The following MYO18B variants were observed in gnomAD, a reference collection of about 807,000 sequenced individuals.
The protein encoded by MYO18B is unconventional myosin-XVIIIb.
A neutral mutation model predicts 273.0 loss-of-function variants in MYO18B; 204 were observed. The ratio of observed to expected loss-of-function variants is 0.75; its 90% CI spans 0.67 to 0.84. The LOEUF is 0.84. Among genes scored for constraint, MYO18B ranks in the 40% least tolerant of loss-of-function variants. The pLI, the probability that MYO18B is intolerant of heterozygous loss-of-function variation, is 0.00. For synonymous variants in MYO18B, 1,330 were observed against 1,305.7 expected, an observed-to-expected ratio of 1.02 and a Z score of -0.40; for missense variants, 3,212 against 3,287.6, an observed-to-expected ratio of 0.98 and a Z score of 0.56.
chr22:26,001,193 G>C (rs12167214), intron 40 of MYO18B, among the ~76,000 whole-genome samples: 1 of 152,114 alleles, frequency 6.6e-6, no homozygotes, highest in Admixed American at 6.5e-5. Flanking sequence ...TATTGGCCTA[G>C]TAAATGCAGA....
At chr22:26,003,543 C>T (rs1013921746) in intron 41 of MYO18B, among the ~76,000 whole-genome samples, 1 of 152,234 alleles carries the variant, frequency 6.6e-6, no homozygotes, top group Admixed American at 6.5e-5. Flanking sequence ...CAGACACCTT[C>T]AATGGCTCCC....
chr22:25,833,138 C>A, intron 16 of MYO18B, 141 bp downstream of exon 16: 2 of 734,658 alleles, frequency 2.7e-6, no homozygotes, highest in Non-Finnish European at 4.6e-6. Flanking sequence ...AACGTGGATG[C>A]CTGGGACCCA....
At chr22:26,038,401 C>T in the MYO18B span, among the ~76,000 whole-genome samples, 24 of 151,930 alleles carry the variant, frequency 1.6e-4, no homozygotes, top group African/African-American at 5.6e-4. Context: ...GTCAGGACAA[C>T]GATGATATTG....
chr22:25,926,997 G>C (rs935094620), intron 34 of MYO18B, among the ~76,000 whole-genome samples: 2 of 152,192 alleles, frequency 1.3e-5, no homozygotes, highest in African/African-American at 4.8e-5. Context: ...CACTTCCCCA[G>C]TCAGTACCCT....
intron 39 of MYO18B, among the ~76,000 whole-genome samples, chr22:25,965,862 A>G (rs1005667192): frequency 3.9e-5 from 6 of 152,086 alleles, no homozygotes; most frequent in Non-Finnish European, 7.4e-5. Flanking sequence ...CACTTCCTGC[A>G]CTCCTGTGAC....
intron 34 of MYO18B, among the ~76,000 whole-genome samples, chr22:25,930,300 GT>G (rs957889492): frequency 2.6e-5 from 4 of 151,506 alleles, no homozygotes; most frequent in East Asian, 3.9e-4. Context: ...TGTTTCCATC[GT>G]TTTTTTTCTA....
At chr22:25,837,193 C>T (rs965252428) in intron 17 of MYO18B, among the ~76,000 whole-genome samples, 14 of 151,928 alleles carry the variant, frequency 9.2e-5, no homozygotes, top group Non-Finnish European at 1.5e-4. Flanking sequence ...GCAGGTGCAT[C>T]CGAAAGGAGA....
chr22:25,922,964 G>A (rs987850472), intron 34 of MYO18B, among the ~76,000 whole-genome samples: 4 of 152,046 alleles, frequency 2.6e-5, no homozygotes, highest in African/African-American at 9.7e-5. Context: ...TTCCTCTCCC[G>A]GGATCCAACC....
downstream of MYO18B, among the ~76,000 whole-genome samples, chr22:26,035,679 C>T (rs78038028): frequency 0.024 from 3,620 of 152,254 alleles, 162 homozygotes; most frequent in African/African-American, 0.082. Flanking sequence ...AAATGTTGCT[C>T]CAGAAGAAAA....
At chr22:26,047,576 T>C in the MYO18B span, among the ~76,000 whole-genome samples, 1 of 152,088 alleles carries the variant, frequency 6.6e-6, no homozygotes. Flanking sequence ...TCCAATAAGA[T>C]AGCCACTAGC....
chr22:25,821,537 G>A (rs1410844137), intron 12 of MYO18B, among the ~76,000 whole-genome samples: 2 of 152,144 alleles, frequency 1.3e-5, no homozygotes, highest in African/African-American at 4.8e-5. Context: ...CAGCACTTTG[G>A]GAGGCTGAGG....
intron 15 of MYO18B, among the ~76,000 whole-genome samples, chr22:25,830,866 T>C (rs961203465): frequency 2.1e-4 from 32 of 152,240 alleles, no homozygotes; most frequent in African/African-American, 7.0e-4. Flanking sequence ...TTTAGATCAT[T>C]GTTACCAGAC....
Position 25,770,804 on chromosome 22 carries a change from C to T in MYO18B, c.1580-68C>T, listed in dbSNP as rs139337806. 1.4e-3 allele frequency: 1,648 copies of T among 1,150,826 alleles called. 11 individuals are homozygous for T. In the African/African-American group the frequency reaches 0.019, roughly 13 times the overall value. 71.3% of individuals were successfully genotyped at this position (1,150,826 alleles called of 1,614,324 possible). On this transcript the variant is annotated intron_variant, in intron 5 of 43. Coordinates refer to ENST00000335473, the MANE Select transcript of MYO18B (RefSeq NM_032608.7). Reference sequence around the variant, plus strand: ...TAGAGCCTCTCTTATCTCCTGCCCTCGCCTCTTTCCCCTCTTCCCCTCCCA... The same window carrying T: ...TAGAGCCTCTCTTATCTCCTGCCCTTGCCTCTTTCCCCTCTTCCCCTCCCA...
intron 25 of MYO18B, among the ~76,000 whole-genome samples, chr22:25,881,242 C>T (rs542104327): frequency 2.0e-4 from 30 of 152,312 alleles, no homozygotes; most frequent in African/African-American, 6.0e-4. Context: ...AAGTGTCAAC[C>T]GTGGAGTTGG....
At chr22:25,837,056 G>C (rs1235802596) in intron 17 of MYO18B, among the ~76,000 whole-genome samples, 1 of 151,816 alleles carries the variant, frequency 6.6e-6, no homozygotes, top group Non-Finnish European at 1.5e-5. Flanking sequence ...CCTCTTTGAG[G>C]CCAGGATATG....
intron 17 of MYO18B, among the ~76,000 whole-genome samples, chr22:25,841,817 G>A (rs2090090281): frequency 6.6e-6 from 1 of 152,196 alleles, no homozygotes; most frequent in Non-Finnish European, 1.5e-5. Context: ...TTGCTTCTAG[G>A]ACAGTGGAAG....
intron 33 of MYO18B, among the ~76,000 whole-genome samples, chr22:25,916,767 C>T (rs1469336653): frequency 1.3e-5 from 2 of 152,202 alleles, no homozygotes; most frequent in Non-Finnish European, 1.5e-5. Flanking sequence ...CACAGTGGCT[C>T]ACGCCTGTAA....
At chr22:25,887,434 A>T (rs1038972353) in intron 25 of MYO18B, among the ~76,000 whole-genome samples, 2 of 152,132 alleles carry the variant, frequency 1.3e-5, no homozygotes, top group African/African-American at 2.4e-5. Flanking sequence ...CAAATTTATT[A>T]ATTCCTGTCC....
At chr22:25,942,128 A>G (rs9613044) in intron 34 of MYO18B, among the ~76,000 whole-genome samples, 14,872 of 152,196 alleles carry the variant, frequency 0.098, 944 homozygotes, top group East Asian at 0.19. Flanking sequence ...TCCCTATTTT[A>G]TAGAGGAGGA....
Sources: allele counts gnomAD v4.1 joint callset (sites outside exome capture counted in the v4.1 genomes callset), GRCh38; gene constraint gnomAD v4.1.1; transcripts MANE v1.5; gene names NCBI Gene and HGNC (gene_info 2026-07-23, HGNC 2026-07-21).